Variants in EPHA5 observed in about 807,000 individuals in gnomAD.
EPHA5 encodes the protein ephrin type-A receptor 5.
A neutral mutation model predicts 105.0 loss-of-function variants in EPHA5; 60 were observed. That is an observed-to-expected ratio of 0.57 (90% CI 0.46 to 0.71). EPHA5 has a LOEUF of 0.71. Among genes scored for constraint, EPHA5 ranks in the 30% least tolerant of loss-of-function variants. EPHA5 has a pLI of 0.00. For missense variants in EPHA5, 1,218 were observed against 1,274.7 expected, an observed-to-expected ratio of 0.96 and a Z score of 0.68; for synonymous variants, 513 against 449.1, an observed-to-expected ratio of 1.14 and a Z score of -1.80.
chr4:65,492,390 T>G (rs1437735510), intron 4 of EPHA5, among the ~76,000 whole-genome samples: 1 of 151,690 alleles, frequency 6.6e-6, no homozygotes. Flanking sequence ...TTAGTAGAGA[T>G]AAGATTTCAC....
intron 2 of EPHA5, among the ~76,000 whole-genome samples, chr4:65,608,884 C>CT (rs1193649782): frequency 6.6e-6 from 1 of 152,092 alleles, no homozygotes; most frequent in South Asian, 2.1e-4. Flanking sequence ...TATTTTTTCT[C>CT]TTTTTTAGGG....
At chr4:65,615,437 A>G (rs1415425351) in intron 2 of EPHA5, among the ~76,000 whole-genome samples, 1 of 151,878 alleles carries the variant, frequency 6.6e-6, no homozygotes, top group Non-Finnish European at 1.5e-5. Context: ...AGAATATGAC[A>G]ATAAGCTGAC....
chr4:65,359,271 C>T (rs1428689116), intron 11 of EPHA5, among the ~76,000 whole-genome samples: 1 of 151,596 alleles, frequency 6.6e-6, no homozygotes, highest in Non-Finnish European at 1.5e-5. Context: ...GAGCTTGGTT[C>T]TGTCTCCACT....
intron 5 of EPHA5, among the ~76,000 whole-genome samples, chr4:65,471,516 T>G: frequency 6.6e-6 from 1 of 152,206 alleles, no homozygotes; most frequent in African/African-American, 2.4e-5. Flanking sequence ...TTTACACTTC[T>G]ATAAAGATAC....
intron 8 of EPHA5, among the ~76,000 whole-genome samples, chr4:65,398,283 G>A (rs1721452637): frequency 6.6e-6 from 1 of 152,170 alleles, no homozygotes; most frequent in South Asian, 2.1e-4. Context: ...CACTTGGGGT[G>A]GTGCTGACAC....
chr4:65,348,309 G>C (rs146837872), intron 13 of EPHA5, 106 bp from the exon 14 acceptor site: 1 of 1,033,636 alleles, frequency 9.7e-7, no homozygotes, highest in East Asian at 2.6e-5. Context: ...ATTTTTAAGT[G>C]AATCTGTTTG....
At chr4:65,324,702 G>A (rs556255596) in intron 16 of EPHA5, among the ~76,000 whole-genome samples, 41 of 149,500 alleles carry the variant, frequency 2.7e-4, no homozygotes, top group East Asian at 2.0e-3. Flanking sequence ...ATATCTTTAG[G>A]AGATAATCAC....
At chr4:65,434,477 A>C (rs539719387) in intron 5 of EPHA5, among the ~76,000 whole-genome samples, 2 of 152,288 alleles carry the variant, frequency 1.3e-5, no homozygotes, top group South Asian at 4.1e-4. Context: ...TGCATCTATA[A>C]AATTATATTT....
At chr4:65,571,820 T>C (rs569377620) in intron 3 of EPHA5, among the ~76,000 whole-genome samples, 1 of 152,188 alleles carries the variant, frequency 6.6e-6, no homozygotes. Context: ...CATAATAGCA[T>C]TTCAGTATTT....
chr4:65,488,226 C>A (rs1341428194), intron 5 of EPHA5, among the ~76,000 whole-genome samples: 2 of 152,054 alleles, frequency 1.3e-5, no homozygotes, highest in Middle Eastern at 3.2e-3. Context: ...ACAACTATAG[C>A]AAATATTTGT....
chr4:65,441,696 A>G (rs971914073), intron 5 of EPHA5, among the ~76,000 whole-genome samples: 1 of 152,162 alleles, frequency 6.6e-6, no homozygotes, highest in East Asian at 1.9e-4. Flanking sequence ...AACTGTTTAA[A>G]AGAACTACTG....
At chr4:65,506,241 G>C (rs570205733) in intron 3 of EPHA5, among the ~76,000 whole-genome samples, 3 of 151,952 alleles carry the variant, frequency 2.0e-5, no homozygotes, top group Non-Finnish European at 4.4e-5. Flanking sequence ...TCTTAATCCA[G>C]TCTATCATTG....
At chr4:65,370,155 CAT>C (rs1249441470) in intron 8 of EPHA5, among the ~76,000 whole-genome samples, 2 of 152,016 alleles carry the variant, frequency 1.3e-5, no homozygotes, top group South Asian at 2.1e-4. Flanking sequence ...CACTTAGATA[CAT>C]ATGTCATTCC....
chr4:65,331,380 G>T (rs541149362), intron 16 of EPHA5: 5 of 1,041,034 alleles, frequency 4.8e-6, no homozygotes, highest in Non-Finnish European at 5.8e-6. Flanking sequence ...TATCTTAAAC[G>T]TGCAAACAGA....
chr4:65,607,874 C>T (rs960787116), intron 2 of EPHA5, among the ~76,000 whole-genome samples: 3 of 152,308 alleles, frequency 2.0e-5, no homozygotes, highest in South Asian at 2.1e-4. Flanking sequence ...TATAAAGACA[C>T]ATGCACATGC....
intron 2 of EPHA5, among the ~76,000 whole-genome samples, chr4:65,628,652 T>C (rs554203505): frequency 6.6e-6 from 1 of 152,166 alleles, no homozygotes; most frequent in Non-Finnish European, 1.5e-5. Context: ...GGCATCATAA[T>C]AAAGCAAACA....
chr4:65,453,472 A>G (rs1216117393), intron 5 of EPHA5, among the ~76,000 whole-genome samples: 2 of 152,188 alleles, frequency 1.3e-5, no homozygotes, highest in Admixed American at 1.3e-4. Context: ...ACAGTCTCCC[A>G]ATAAACAGAA....
intron 5 of EPHA5, among the ~76,000 whole-genome samples, chr4:65,454,659 T>G (rs923674636): frequency 9.2e-5 from 14 of 152,172 alleles, no homozygotes; most frequent in African/African-American, 2.9e-4. Context: ...AATTTCAAAG[T>G]GGATGAAACC....
intron 3 of EPHA5, among the ~76,000 whole-genome samples, chr4:65,548,826 T>A (rs148386896): frequency 3.3e-3 from 500 of 152,234 alleles, no homozygotes; most frequent in South Asian, 0.011. Context: ...AGGTCTCTCA[T>A]TTGAAATGTA....
Sources: allele counts gnomAD v4.1 joint callset (sites outside exome capture counted in the v4.1 genomes callset), GRCh38; gene constraint gnomAD v4.1.1; transcripts MANE v1.5; gene names NCBI Gene and HGNC (gene_info 2026-07-23, HGNC 2026-07-21).